Variants in LTBP1 observed in about 807,000 individuals in gnomAD.
LTBP1 encodes the protein latent transforming growth factor beta binding protein 1.
A neutral mutation model predicts 207.6 loss-of-function variants in LTBP1; 129 were observed. The ratio of observed to expected loss-of-function variants is 0.62; its 90% CI spans 0.54 to 0.72. The LOEUF is 0.72. Among genes scored for constraint, LTBP1 ranks in the 30% least tolerant of loss-of-function variants. LTBP1 has a pLI of 0.00. For synonymous variants in LTBP1, 963 were observed against 833.7 expected, an observed-to-expected ratio of 1.16 and a Z score of -2.67; for missense variants, 2,281 against 2,217.2, an observed-to-expected ratio of 1.03 and a Z score of -0.58.
intron 22 of LTBP1, among the ~76,000 whole-genome samples, chr2:33,307,357 T>C (rs1452168378): frequency 6.6e-6 from 1 of 152,188 alleles, no homozygotes; most frequent in Non-Finnish European, 1.5e-5. Flanking sequence ...GAAACCTTAT[T>C]CACAATGGCC....
At chr2:33,198,292 C>T (rs192534306) in intron 7 of LTBP1, among the ~76,000 whole-genome samples, 64 of 152,238 alleles carry the variant, frequency 4.2e-4, no homozygotes, top group African/African-American at 1.3e-3. Flanking sequence ...CTGCTGGATT[C>T]GGTTTGCTAG....
chr2:33,277,600 C>T (rs930843235), intron 18 of LTBP1, among the ~76,000 whole-genome samples: 1 of 151,864 alleles, frequency 6.6e-6, no homozygotes, highest in Admixed American at 6.6e-5. Context: ...CTTTAAATCT[C>T]CCCCCATCCC....
At chr2:33,185,034 C>G (rs1469954270) in intron 5 of LTBP1, among the ~76,000 whole-genome samples, 1 of 152,130 alleles carries the variant, frequency 6.6e-6, no homozygotes, top group Non-Finnish European at 1.5e-5. Flanking sequence ...CAGGCAGAGT[C>G]TGAAAGATAT....
chr2:33,201,334 G>A (rs1050717485), intron 7 of LTBP1, among the ~76,000 whole-genome samples: 3 of 152,082 alleles, frequency 2.0e-5, no homozygotes, highest in South Asian at 4.2e-4. Flanking sequence ...GTAGGGACAG[G>A]GATGAAATTG....
intron 2 of LTBP1, among the ~76,000 whole-genome samples, chr2:32,965,543 TCTTC>T (rs1679849379): frequency 6.6e-6 from 1 of 152,226 alleles, no homozygotes; most frequent in Non-Finnish European, 1.5e-5. Flanking sequence ...TAGTTTTGCC[TCTTC>T]CAGAATGACA....
intron 31 of LTBP1, among the ~76,000 whole-genome samples, chr2:33,379,447 GA>G (rs1190880367): frequency 2.0e-5 from 3 of 152,076 alleles, no homozygotes; most frequent in African/African-American, 4.8e-5. Context: ...CTGACGTTGT[GA>G]TCCACCCACC....
At position 33,360,610 on chromosome 2, in the gene LTBP1, T is replaced by G. The variant is rs1289855050; in HGVS notation, c.4014T>G (p.Asp1338Glu). 1 of 1,612,402 alleles carries G rather than the reference T, an allele frequency of 6.2e-7. No homozygotes were observed. Among genetic ancestry groups the G allele is most frequent in the East Asian group, 2.2e-5 (1 of 44,880 alleles). Residue 1338 changes from aspartate to glutamate, a missense_variant, in exon 27 of 34, where the codon GAT (aspartate) becomes GAG (glutamate). By Grantham distance (45) the Asp-to-Glu change is conservative. Around this residue, in one of 3 missense-constraint regions of LTBP1, gnomAD observed 1,671 missense variants for 1,634.8 expected, o/e 1.02. Transcript: ENST00000404816. The part of the protein sequence containing the change: ...RSRTSTDLDV[D>E]VDQPKEEKKE... ...TACTCCATTTAGATTTAGATGTAGA[T>G]GTAGATCAACCCAAAGAAGAAAAGA...
chr2:33,307,742 T>G (rs1480285136), intron 22 of LTBP1, among the ~76,000 whole-genome samples: 6 of 152,230 alleles, frequency 3.9e-5, no homozygotes, highest in Non-Finnish European at 8.8e-5. Context: ...TGAGACAAAT[T>G]CACATCACCT....
At chr2:33,027,523 A>G (rs763458146) in intron 3 of LTBP1, among the ~76,000 whole-genome samples, 1 of 152,142 alleles carries the variant, frequency 6.6e-6, no homozygotes, top group Non-Finnish European at 1.5e-5. Flanking sequence ...ATACTGCTGT[A>G]TAGGTATGTA....
At chr2:33,309,009 G>C (rs112543676) in intron 22 of LTBP1, among the ~76,000 whole-genome samples, 1,600 of 152,206 alleles carry the variant, frequency 0.011, 23 homozygotes, top group African/African-American at 0.036. Flanking sequence ...TTGGCCAGGT[G>C]TGGTGGCTCA....
At chr2:33,129,974 A>G (rs2081672273) in intron 4 of LTBP1, among the ~76,000 whole-genome samples, 1 of 152,160 alleles carries the variant, frequency 6.6e-6, no homozygotes. Context: ...TAGATTTGAT[A>G]TTAATTTTTA....
At chr2:33,393,413 G>C (rs2095332979) in intron 32 of LTBP1, among the ~76,000 whole-genome samples, 1 of 151,264 alleles carries the variant, frequency 6.6e-6, no homozygotes, top group South Asian at 2.1e-4. Context: ...TTTACATTAG[G>C]TATATCTCCT....
intron 19 of LTBP1, among the ~76,000 whole-genome samples, chr2:33,290,001 A>T (rs1378610253): frequency 6.6e-6 from 1 of 152,192 alleles, no homozygotes; most frequent in Non-Finnish European, 1.5e-5. Context: ...GATTTAGCTC[A>T]TGGTTCTGGA....
rs1209131116 is a variant in LTBP1, at chr2:33,293,110, T to C, written c.3113-50T>C. On this transcript the variant is annotated intron_variant, in intron 19 of 33. Coordinates refer to ENST00000404816, the MANE Select transcript of LTBP1 (RefSeq NM_206943.4). ...CTAACCAAATTTAACTTTATCCATG[T>C]TTTCTTTTTCTTCTTTTTTTGTTCT... The C allele has an allele frequency of 4.4e-6, 7 of 1,582,446 alleles. No homozygotes were observed. The African/African-American group carries it at 8.2e-5, about 18-fold the overall frequency.
chr2:33,390,413 C>T (rs957103836), intron 32 of LTBP1, among the ~76,000 whole-genome samples: 4 of 152,064 alleles, frequency 2.6e-5, no homozygotes, highest in East Asian at 1.9e-4. Flanking sequence ...ACTTCAAGAA[C>T]GAGAACAGGA....
chr2:33,201,298 T>TA (rs949968636), intron 7 of LTBP1, among the ~76,000 whole-genome samples: 1 of 152,084 alleles, frequency 6.6e-6, no homozygotes, highest in African/African-American at 2.4e-5. Context: ...TATGCAGCCA[T>TA]AAAAAATGAT....
intron 5 of LTBP1, among the ~76,000 whole-genome samples, chr2:33,157,748 T>C (rs1376838419): frequency 6.6e-6 from 1 of 152,158 alleles, no homozygotes; most frequent in Non-Finnish European, 1.5e-5. Flanking sequence ...TTGCCCCAGC[T>C]GAAAAGCCAG....
chr2:33,252,375 G>A (rs2092709041), intron 10 of LTBP1, among the ~76,000 whole-genome samples: 2 of 152,010 alleles, frequency 1.3e-5, no homozygotes, highest in Admixed American at 6.6e-5. Flanking sequence ...ATTTGGAAAG[G>A]TGGGTTTTTG....
At chr2:33,133,875 G>A (rs1000337365) in intron 4 of LTBP1, among the ~76,000 whole-genome samples, 2 of 152,196 alleles carry the variant, frequency 1.3e-5, no homozygotes, top group Admixed American at 1.3e-4. Flanking sequence ...GAGTCACACC[G>A]TGGTTGAGCT....
Sources: allele counts gnomAD v4.1 joint callset (sites outside exome capture counted in the v4.1 genomes callset), GRCh38; gene constraint gnomAD v4.1.1; regional missense constraint gnomAD v4.1.1; transcripts MANE v1.5; gene names NCBI Gene and HGNC (gene_info 2026-07-23, HGNC 2026-07-21).